The following CNTNAP5 variants were observed in gnomAD, a reference collection of about 807,000 sequenced individuals.
CNTNAP5 encodes contactin associated protein family member 5.
A neutral mutation model predicts 150.2 loss-of-function variants in CNTNAP5; 72 were observed. That is an observed-to-expected ratio of 0.48 (90% confidence interval 0.40 to 0.58). The LOEUF is 0.58. CNTNAP5 is among the 20% of genes least tolerant of loss of function. CNTNAP5 has a pLI of 0.00. For synonymous variants in CNTNAP5, 672 were observed against 619.8 expected (o/e 1.08, Z -1.25); for missense variants, 1,636 against 1,626.2 (o/e 1.01, Z -0.10).
rs537692235 is a variant in CNTNAP5 at position 124,130,409 on chromosome 2, T to C, written c.83-91296T>C. ...GTGCTTGTTCAGTCTTTTGCCTGTA[T>C]ACCTGCCCCCTCCTCCATCCAAGCT... is the stretch of plus-strand genomic sequence containing the variant. On this transcript the variant is annotated intron_variant, in intron 1 of 23. Coordinates refer to ENST00000682447, the MANE Select transcript of CNTNAP5 (RefSeq NM_001367498.1). Among the ~76,000 whole-genome samples the C allele has an allele frequency of 3.3e-5, 5 of 152,194 alleles. No individual in the cohort carries two copies. The East Asian group carries it at 7.7e-4, about 24-fold the overall frequency.
chr2:124,101,373 A>G (rs893533684), intron 1 of CNTNAP5, among the ~76,000 whole-genome samples: 7 of 152,174 alleles, frequency 4.6e-5, no homozygotes, highest in African/African-American at 9.7e-5. Flanking sequence ...TCCCACGCTC[A>G]TTAATAAGAA....
chr2:124,854,079 T>C (rs1677291565), intron 19 of CNTNAP5, among the ~76,000 whole-genome samples: 1 of 152,336 alleles, frequency 6.6e-6, no homozygotes, highest in South Asian at 2.1e-4. Context: ...TTGTGATGAT[T>C]CCATGTCTTT....
At chr2:124,745,986 TG>T (rs371672331) in intron 13 of CNTNAP5, among the ~76,000 whole-genome samples, 106 of 152,370 alleles carry the variant, frequency 7.0e-4, no homozygotes, top group African/African-American at 2.5e-3. Flanking sequence ...GTGATTTTTA[TG>T]TTTGTACATA....
intron 10 of CNTNAP5, among the ~76,000 whole-genome samples, chr2:124,554,849 C>T (rs1410284938): frequency 6.6e-6 from 1 of 152,158 alleles, no homozygotes; most frequent in Non-Finnish European, 1.5e-5. Context: ...ACAAGAGACA[C>T]AAACTAGAGC....
intron 19 of CNTNAP5, among the ~76,000 whole-genome samples, chr2:124,814,333 T>C (rs1682303596): frequency 6.6e-6 from 1 of 152,056 alleles, no homozygotes; most frequent in African/African-American, 2.4e-5. Context: ...CTGGGAAGCT[T>C]TCCTGGTCCC....
chr2:124,717,138 G>A (rs1679961079), intron 13 of CNTNAP5, among the ~76,000 whole-genome samples: 1 of 152,150 alleles, frequency 6.6e-6, no homozygotes, highest in Admixed American at 6.5e-5. Context: ...GCCATTTCCA[G>A]AGTAGGGTGG....
At chr2:124,883,482 A>G (rs1678011191) in intron 21 of CNTNAP5, among the ~76,000 whole-genome samples, 1 of 152,022 alleles carries the variant, frequency 6.6e-6, no homozygotes, top group Admixed American at 6.6e-5. Context: ...TCAAAACATG[A>G]GTGAAACTTT....
chr2:124,171,696 G>T (rs1684935347), intron 1 of CNTNAP5, among the ~76,000 whole-genome samples: 1 of 152,150 alleles, frequency 6.6e-6, no homozygotes, highest in African/African-American at 2.4e-5. Context: ...AGCCATTCTG[G>T]GCATTCAGTA....
At chr2:124,175,857 G>A (rs1685051865) in intron 1 of CNTNAP5, among the ~76,000 whole-genome samples, 2 of 152,124 alleles carry the variant, frequency 1.3e-5, no homozygotes, top group South Asian at 2.1e-4. Flanking sequence ...TGGGCACCTA[G>A]GTTGATTTCA....
chr2:124,082,116 G>A (rs908545984), intron 1 of CNTNAP5, among the ~76,000 whole-genome samples: 5 of 152,002 alleles, frequency 3.3e-5, no homozygotes, highest in Non-Finnish European at 7.4e-5. Context: ...TTGGGAGGCC[G>A]AGGCGGGTGG....
chr2:124,417,316 T>C (rs1009172863), intron 3 of CNTNAP5, 127 bp from the exon 4 acceptor site: 16 of 909,862 alleles, frequency 1.8e-5, no homozygotes, highest in Non-Finnish European at 2.6e-5. Context: ...ACCCAAGTCA[T>C]ATTTCAATTG....
At chr2:124,784,257 G>A (rs542684690) in intron 17 of CNTNAP5, among the ~76,000 whole-genome samples, 16 of 152,286 alleles carry the variant, frequency 1.1e-4, no homozygotes, top group African/African-American at 3.8e-4. Flanking sequence ...TTTTCCAGGG[G>A]CTTCTCTGAA....
rs1302474737 is a variant in CNTNAP5, at chr2:124,413,461, G to A, written c.382-3982G>A. 1.1e-3 allele frequency among the ~76,000 whole-genome samples: 144 copies of A among 133,720 alleles called. 2 individuals carry two copies. Among genetic ancestry groups the A allele is most frequent in the African/African-American group, 3.7e-3 (131 of 35,662 alleles). 87.7% of individuals were successfully genotyped at this position (133,720 alleles called of 152,430 possible). ...GTTTATTGCGGCATTATTCACAATA[G>A]CAAAGACTTGGAACCAACCCAAATG... is the stretch of plus-strand genomic sequence containing the variant. On this transcript the variant is annotated intron_variant, in intron 3 of 23. Transcript: ENST00000682447.
intron 19 of CNTNAP5, among the ~76,000 whole-genome samples, chr2:124,851,728 T>C (rs950630634): frequency 4.6e-5 from 7 of 152,174 alleles, no homozygotes; most frequent in African/African-American, 1.4e-4. Flanking sequence ...AGGCATTATA[T>C]GGTCGCCTTA....
At chr2:124,884,948 G>T (rs1474221746) in intron 21 of CNTNAP5, among the ~76,000 whole-genome samples, 1 of 151,998 alleles carries the variant, frequency 6.6e-6, no homozygotes, top group African/African-American at 2.4e-5. Flanking sequence ...AAGCTGGCTG[G>T]GAAAGAACAA....
In CNTNAP5 at chr2:124,902,972, C is replaced by T. The variant is rs1014383184; in HGVS notation, c.3527C>T (p.Pro1176Leu). 3 of 1,613,048 alleles carry T rather than the reference C, an allele frequency of 1.9e-6. No homozygotes were observed. The highest frequency in any genetic ancestry group is 1.7e-6 in the Non-Finnish European group (2 of 1,179,458). Residue 1176 changes from proline to leucine, a missense_variant, in exon 22 of 24, where the codon CCA becomes CTA. Physicochemically the swap from Pro to Leu is moderately conservative, Grantham distance 98. Coordinates refer to ENST00000682447, the MANE Select transcript of CNTNAP5 (RefSeq NM_001367498.1). The part of the protein sequence containing the change: ...MSSVQYNHIA[P>L]LKAALRHATV... ...TCCGTCCAGTACAACCACATAGCACCACTGAAGGCTGCCCTGCGCCATGCC... is the reference window on the plus strand; with the variant it reads ...TCCGTCCAGTACAACCACATAGCACTACTGAAGGCTGCCCTGCGCCATGCC...
At chr2:124,517,798 TG>T (rs1003510749) in intron 8 of CNTNAP5, among the ~76,000 whole-genome samples, 3 of 148,484 alleles carry the variant, frequency 2.0e-5, no homozygotes, top group African/African-American at 7.5e-5. Context: ...TTGTTGCTTA[TG>T]GGGGGTTGTG....
intron 2 of CNTNAP5, among the ~76,000 whole-genome samples, chr2:124,228,290 C>T (rs1022432049): frequency 2.2e-4 from 33 of 152,246 alleles, no homozygotes; most frequent in African/African-American, 7.5e-4. Context: ...TATCTGGTCC[C>T]TCAATGGATT....
At chr2:124,111,748 T>C (rs4505528) in intron 1 of CNTNAP5, among the ~76,000 whole-genome samples, 148,963 of 152,346 alleles carry the variant, frequency 0.98, 72,919 homozygotes, top group South Asian at 1. Flanking sequence ...TTCTTTCCGG[T>C]CCTTCTTCAC....
Sources: gnomAD v4.1 joint callset for allele counts (sites outside exome capture counted in the v4.1 genomes callset) on GRCh38, gnomAD v4.1.1 for gene constraint, MANE v1.5 for transcripts, NCBI Gene and HGNC (gene_info 2026-07-23, HGNC 2026-07-21) for gene names.